ICE2: variants seen among roughly 807,000 people sequenced by gnomAD.
ICE2 encodes the protein little elongation complex subunit 2.
ICE2 carries 87 observed loss-of-function variants against 105.4 expected under a neutral mutation model. That is an observed-to-expected ratio of 0.83 (90% CI 0.69 to 0.99). ICE2 has a LOEUF of 0.99. ICE2 is among the 50% of genes least tolerant of loss of function. The probability of loss-of-function intolerance (pLI) is 0.00; values close to 1 mark genes in which losing one functional copy is unlikely to be tolerated. For synonymous variants in ICE2, 399 were observed against 392.0 expected (o/e 1.02, Z -0.21); for missense variants, 1,323 against 1,146.7 (o/e 1.15, Z -2.22).
At chr15:60,436,408 A>G (rs560528413) in intron 12 of ICE2, among the ~76,000 whole-genome samples, 181 bp from the exon 13 acceptor site, 2 of 152,304 alleles carry the variant, frequency 1.3e-5, no homozygotes, top group African/African-American at 4.8e-5. Flanking sequence ...TTAAAATAAC[A>G]TAATTCAGAT....
At chr15:60,425,180 AT>A (rs149743941) in intron 15 of ICE2, among the ~76,000 whole-genome samples, 17 of 151,524 alleles carry the variant, frequency 1.1e-4, no homozygotes, top group Middle Eastern at 3.4e-3. Context: ...TTTAAAAAGC[AT>A]TTTTTTTTAT....
chr15:60,457,467 A>G (rs1386081975), intron 5 of ICE2, among the ~76,000 whole-genome samples: 1 of 152,156 alleles, frequency 6.6e-6, no homozygotes, highest in Non-Finnish European at 1.5e-5. Flanking sequence ...TCTAAGATAC[A>G]TATTTTTTCT....
At chr15:60,451,723 A>G (rs533827716) in intron 9 of ICE2, 15 of 550,256 alleles carry the variant, frequency 2.7e-5, no homozygotes, top group Non-Finnish European at 3.5e-5. Flanking sequence ...CTGACTCCTG[A>G]GGTGCAGCCC....
chr15:60,456,521 G>A (rs1475557589), intron 6 of ICE2, 136 bp downstream of exon 6: 12 of 147,004 alleles, frequency 8.2e-5, no homozygotes, highest in African/African-American at 3.1e-4. Flanking sequence ...GCCAGGCGAC[G>A]AGAGAGAGAC....
At chr15:60,443,652 G>T (rs2063765569) in intron 11 of ICE2, among the ~76,000 whole-genome samples, 1 of 152,148 alleles carries the variant, frequency 6.6e-6, no homozygotes, top group African/African-American at 2.4e-5. Flanking sequence ...AGTAGGTAAG[G>T]CCTCCAGTGT....
intron 9 of ICE2, chr15:60,452,382 G>C (rs2063986744): frequency 4.2e-6 from 2 of 476,846 alleles, no homozygotes; most frequent in Admixed American, 6.4e-5. Flanking sequence ...CCTATCCTCA[G>C]AAAAACCTTC....
intron 6 of ICE2, 57 bp downstream of exon 6, chr15:60,456,600 C>T (rs2064131076): frequency 1.5e-6 from 1 of 688,902 alleles, no homozygotes; most frequent in Non-Finnish European, 2.3e-6. Context: ...CACACACACA[C>T]ACACACACAC....
chr15:60,456,743 T>C lies in ICE2; in HGVS notation c.580A>G (p.Thr194Ala), dbSNP rs752651134. Residue 194 changes from threonine to alanine, a missense_variant, in exon 6 of 16, where the codon ACT becomes GCT. Physicochemically the swap from Thr to Ala is moderately conservative, Grantham distance 58 (BLOSUM62 0). Coordinates refer to ENST00000261520, the MANE Select transcript of ICE2 (RefSeq NM_024611.6). ...EQVKKYSEFY[T>A]LHEVTSLMGF... ...ATTAAGCTGGTGACCTCGTGGAGAGTATAGAATTCTGAATACTTTTTCACT... is the reference window on the plus strand; with the variant it reads ...ATTAAGCTGGTGACCTCGTGGAGAGCATAGAATTCTGAATACTTTTTCACT... 6.4e-7 allele frequency: 1 copy of C among 1,556,444 alleles called. No homozygotes were observed. Among genetic ancestry groups the C allele is most frequent in the Non-Finnish European group, 8.7e-7 (1 of 1,151,792 alleles).
Position 60,478,061 on chromosome 15 carries a change from C to G in ICE2, c.-84G>C. 5.5e-6 allele frequency: 7 copies of G among 1,270,024 alleles called. No homozygotes were observed. The South Asian group carries it at 5.9e-5, about 11-fold the overall frequency. The allele number at this position is 1,270,024 out of a possible 1,614,324, so 78.7% of individuals were successfully genotyped here. On this transcript the variant is annotated 5_prime_UTR_variant, in exon 2 of 16. Coordinates refer to ENST00000261520, the MANE Select transcript of ICE2 (RefSeq NM_024611.6). ...TCCAAGAGGCAGGATCCCTCCAGAA[C>G]TTACTCAGCTGAGTAAAAACAAAAG...
rs1252152201 is a variant in ICE2 at position 60,421,805 on chromosome 15, T to TG, written c.*1828dup. ...AAACTCAGTGTTTTATAAAAGGGAA[T>TG]GGCAGGATGAGGAAATGATTTATCA... On this transcript the variant is annotated 3_prime_UTR_variant, in exon 16 of 16. Transcript: ENST00000261520. 1.3e-5 allele frequency: 2 copies of TG among 152,194 alleles called. No homozygotes were observed. Among genetic ancestry groups the TG allele is most frequent in the Non-Finnish European group, 2.9e-5 (2 of 68,028 alleles). The allele number at this position is 152,194 out of a possible 1,614,324, so 9.4% of individuals were successfully genotyped here. A position where few individuals can be genotyped will look rare whatever the true frequency, so the allele number is the denominator to read the frequency against.
chr15:60,475,987 G>A, intron 3 of ICE2, 76 bp downstream of exon 3: 1 of 895,430 alleles, frequency 1.1e-6, no homozygotes, highest in South Asian at 1.8e-5. Flanking sequence ...TTTAATACTA[G>A]AGATACACAT....
intron 5 of ICE2, among the ~76,000 whole-genome samples, chr15:60,462,217 T>C (rs1372953622): frequency 6.6e-6 from 1 of 152,174 alleles, no homozygotes; most frequent in African/African-American, 2.4e-5. Context: ...AATCAGAATA[T>C]TACAACTGTG....
rs1486550180 is a variant in ICE2, at chr15:60,478,268, G to A, written c.-92-199C>T. ...AGCCCTTTTCCATTTAATCTACGCCGGGAGTGTTACTCTCAGGACACTCAC... is the reference window on the plus strand; with the variant it reads ...AGCCCTTTTCCATTTAATCTACGCCAGGAGTGTTACTCTCAGGACACTCAC... On this transcript the variant is annotated intron_variant, in intron 1 of 15. Transcript: ENST00000261520. Among the ~76,000 whole-genome samples, 4 of 152,136 alleles carry A rather than the reference G, an allele frequency of 2.6e-5. No individual in the cohort carries two copies. The South Asian group carries it at 6.2e-4, about 24-fold the overall frequency.
chr15:60,427,990 C>T (rs1472914542), intron 15 of ICE2, among the ~76,000 whole-genome samples: 1 of 152,184 alleles, frequency 6.6e-6, no homozygotes, highest in South Asian at 2.1e-4. Flanking sequence ...ACTGCTATTA[C>T]TTCTTTTTCC....
rs559052902 is a variant in ICE2 at position 60,420,874 on chromosome 15, T to C, written c.*2760A>G. The C allele has an allele frequency of 1.3e-5, 2 of 152,322 alleles. No homozygotes were observed. Among genetic ancestry groups the C allele is most frequent in the African/African-American group, 4.8e-5 (2 of 41,564 alleles). The allele number at this position is 152,322 out of a possible 1,614,324, so 9.4% of individuals were successfully genotyped here. Reference sequence around the variant, plus strand: ...TCTTTGATACCTACACATTCATGCATCTAACTAATATCTGCTAAGCAACTA... The same window carrying C: ...TCTTTGATACCTACACATTCATGCACCTAACTAATATCTGCTAAGCAACTA... On this transcript the variant is annotated 3_prime_UTR_variant, in exon 16 of 16. Coordinates refer to ENST00000261520, the MANE Select transcript of ICE2 (RefSeq NM_024611.6).
intron 9 of ICE2, chr15:60,451,964 T>G: frequency 4.2e-6 from 2 of 481,780 alleles, no homozygotes; most frequent in Non-Finnish European, 5.4e-6. Flanking sequence ...TTGATACTTC[T>G]AAGAAAGACA....
Position 60,445,842 on chromosome 15 carries a change from A to T in ICE2, c.2295+2128T>A, listed in dbSNP as rs948559494. On this transcript the variant is annotated intron_variant, in intron 11 of 15. Coordinates refer to ENST00000261520, the MANE Select transcript of ICE2 (RefSeq NM_024611.6). ...GGGTTCACAGAGTAGGAAGTTAAAG[A>T]AATGAGGTTAGCCTCAAAATAAATC... 4.4e-6 allele frequency: 4 copies of T among 902,084 alleles called. No homozygotes were observed. In the Admixed American group the frequency reaches 2.5e-4, roughly 56 times the overall value. The allele number at this position is 902,084 out of a possible 1,614,324, so 55.9% of individuals were successfully genotyped here.
intron 4 of ICE2, among the ~76,000 whole-genome samples, chr15:60,467,821 G>A (rs1567008435): frequency 6.6e-6 from 1 of 152,142 alleles, no homozygotes; most frequent in Non-Finnish European, 1.5e-5. Flanking sequence ...TATAATCTAT[G>A]TAAAATTCTA....
At position 60,449,817 on chromosome 15, in the gene ICE2, G is replaced by A. The variant is rs749470064; in HGVS notation, c.1150C>T (p.Arg384Ter). 9 of 1,612,716 alleles carry A rather than the reference G, an allele frequency of 5.6e-6. No individual in the cohort carries two copies. The highest frequency in any genetic ancestry group is 2.7e-5 in the African/African-American group (2 of 74,746). Residue 384 changes from arginine to a stop codon, truncating the protein, a stop_gained, in exon 10 of 16, where the codon CGA becomes TGA. Transcript: ENST00000261520. LOFTEE classifies it high-confidence loss of function. ...MDMSCEVNEC[R>*]KIESLENLYL... The stretch of plus-strand genomic sequence containing the variant: ...AAGTTTTCAAGACTCTCAATTTTTC[G>A]GCACTCGTTGACTTCACAGGACATC...
Sources: allele counts gnomAD v4.1 joint callset (sites outside exome capture counted in the v4.1 genomes callset), GRCh38; gene constraint gnomAD v4.1.1; transcripts MANE v1.5; gene names NCBI Gene and HGNC (gene_info 2026-07-23, HGNC 2026-07-21).